The following DPYD variants were observed in gnomAD, a reference collection of about 807,000 sequenced individuals.
The protein encoded by DPYD is dihydropyrimidine dehydrogenase [NADP(+)].
A neutral mutation model predicts 116.2 loss-of-function variants in DPYD; 109 were observed. The ratio of observed to expected loss-of-function variants is 0.94; its 90% confidence interval spans 0.80 to 1.10. DPYD has a LOEUF of 1.10. DPYD is among the 50% of genes least tolerant of loss of function. The probability of loss-of-function intolerance (pLI) is 0.00; values close to 1 mark genes in which losing one functional copy is unlikely to be tolerated. For missense variants in DPYD, 1,302 were observed against 1,254.5 expected, an observed-to-expected ratio of 1.04 and a Z score of -0.57; for synonymous variants, 440 against 432.0, an observed-to-expected ratio of 1.02 and a Z score of -0.23.
chr1:97,820,346 G>A lies in DPYD; in HGVS notation c.233+7768C>T, dbSNP rs77243915. Among the ~76,000 whole-genome samples the A allele has an allele frequency of 7.2e-5, 11 of 152,040 alleles. No homozygotes were observed. In the East Asian group the frequency reaches 1.9e-3, roughly 27 times the overall value. On this transcript the variant is annotated intron_variant, in intron 3 of 22. Transcript: ENST00000370192. ...AAAAACTACCTCTTTTAAATGTCTT[G>A]GTATCTCTTTTCGGACCTCAGCCTT...
intron 13 of DPYD, among the ~76,000 whole-genome samples, chr1:97,469,171 T>C (rs573886665): frequency 2.8e-4 from 42 of 152,168 alleles, no homozygotes; most frequent in African/African-American, 9.6e-4. Context: ...AATATAGTCC[T>C]AATATCTGTA....
chr1:97,206,581 T>G (rs115620974), intron 19 of DPYD, among the ~76,000 whole-genome samples: 1 of 144,060 alleles, frequency 6.9e-6, no homozygotes, highest in African/African-American at 2.5e-5. Context: ...CAGTCCTGCT[T>G]TCTGTTCTGA....
intron 21 of DPYD, among the ~76,000 whole-genome samples, chr1:97,085,360 A>G (rs575716538): frequency 6.6e-6 from 1 of 152,246 alleles, no homozygotes; most frequent in Admixed American, 6.5e-5. Flanking sequence ...TTCTGTGTAC[A>G]TTAAATATGC....
At chr1:97,436,758 G>A (rs1675494477) in intron 14 of DPYD, among the ~76,000 whole-genome samples, 1 of 151,844 alleles carries the variant, frequency 6.6e-6, no homozygotes, top group Admixed American at 6.6e-5. Flanking sequence ...ACTATCTAAG[G>A]TCATTTTTAA....
chr1:97,806,124 T>C (rs1345847796), intron 3 of DPYD, among the ~76,000 whole-genome samples: 2 of 151,896 alleles, frequency 1.3e-5, no homozygotes, highest in East Asian at 3.9e-4. Flanking sequence ...AATCCAACAA[T>C]TGCAGAATAA....
In DPYD at chr1:97,919,994, A is replaced by C. The variant is rs370306119; in HGVS notation, c.39+890T>G. 1.5e-4 allele frequency among the ~76,000 whole-genome samples: 23 copies of C among 152,312 alleles called. No individual in the cohort carries two copies. In the East Asian group the frequency reaches 3.9e-3, roughly 26 times the overall value. On this transcript the variant is annotated intron_variant, in intron 1 of 22. Transcript: ENST00000370192. Reference sequence around the variant, plus strand: ...CGAAAGGAAAATTTTGTTATTTCTAAAGAAAACACACACACACATAATTTT... The same window carrying C: ...CGAAAGGAAAATTTTGTTATTTCTACAGAAAACACACACACACATAATTTT...
At chr1:97,239,743 T>C (rs1437627326) in intron 18 of DPYD, among the ~76,000 whole-genome samples, 1 of 152,064 alleles carries the variant, frequency 6.6e-6, no homozygotes, top group Non-Finnish European at 1.5e-5. Context: ...ACTGTTGAGG[T>C]TCAAATCTTA....
intron 21 of DPYD, among the ~76,000 whole-genome samples, chr1:97,098,154 G>A (rs1351167236): frequency 1.3e-5 from 2 of 151,998 alleles, no homozygotes; most frequent in Non-Finnish European, 2.9e-5. Context: ...ACTAATACAA[G>A]ATATCTTGGA....
intron 10 of DPYD, among the ~76,000 whole-genome samples, chr1:97,588,628 G>A (rs1179660852): frequency 1.3e-5 from 2 of 152,140 alleles, no homozygotes; most frequent in Admixed American, 6.6e-5. Flanking sequence ...TAAGCTTGCA[G>A]AAAGTACTGG....
In DPYD at chr1:97,663,659, C is replaced by T. The variant is rs79562903; in HGVS notation, c.850+15436G>A. Among the ~76,000 whole-genome samples, 1,332 of 152,296 alleles carry T rather than the reference C, an allele frequency of 8.7e-3. 23 individuals carry two copies. Among genetic ancestry groups the T allele is most frequent in the African/African-American group, 0.031 (1,284 of 41,562 alleles). ...TCACATCAAAATCCTTCATTTTCCA[C>T]AGCACAAAGTAAACACTCAATAACT... On this transcript the variant is annotated intron_variant, in intron 8 of 22. Coordinates refer to ENST00000370192, the MANE Select transcript of DPYD (RefSeq NM_000110.4).
At chr1:97,495,109 T>C (rs1679189722) in intron 13 of DPYD, among the ~76,000 whole-genome samples, 1 of 152,142 alleles carries the variant, frequency 6.6e-6, no homozygotes, top group Non-Finnish European at 1.5e-5. Context: ...ATTTTAAACA[T>C]GTTAAGGCTT....
chr1:97,093,287 A>T (rs191085908), intron 21 of DPYD, among the ~76,000 whole-genome samples: 2 of 152,260 alleles, frequency 1.3e-5, no homozygotes, highest in Admixed American at 1.3e-4. Flanking sequence ...TGCATTGCTT[A>T]TCTCATGGTA....
chr1:97,920,982 A>G lies in DPYD; in HGVS notation c.-60T>C. On this transcript the variant is annotated 5_prime_UTR_variant, in exon 1 of 23. Coordinates refer to ENST00000370192, the MANE Select transcript of DPYD (RefSeq NM_000110.4). Reference sequence around the variant, plus strand: ...AACCCTCCTTGCGTCCTCAAGCTCCAGCCAGAGAGCCAAGTGACAGCAGCC... The same window carrying G: ...AACCCTCCTTGCGTCCTCAAGCTCCGGCCAGAGAGCCAAGTGACAGCAGCC... 6.5e-7 allele frequency: 1 copy of G among 1,548,908 alleles called. No individual in the cohort carries two copies. The highest frequency in any genetic ancestry group is 8.7e-7 in the Non-Finnish European group (1 of 1,144,008).
At chr1:97,568,814 GA>G (rs1652705038) in intron 11 of DPYD, among the ~76,000 whole-genome samples, 1 of 151,962 alleles carries the variant, frequency 6.6e-6, no homozygotes. Flanking sequence ...TATTTTTGTG[GA>G]TCTATTATGG....
At chr1:97,233,210 C>T (rs1023158305) in intron 19 of DPYD, among the ~76,000 whole-genome samples, 1 of 152,090 alleles carries the variant, frequency 6.6e-6, no homozygotes, top group African/African-American at 2.4e-5. Context: ...ACTGACACAT[C>T]CCTGGCTAAG....
chr1:97,677,161 A>G (rs1481666202), intron 8 of DPYD, among the ~76,000 whole-genome samples: 1 of 152,220 alleles, frequency 6.6e-6, no homozygotes, highest in East Asian at 1.9e-4. Flanking sequence ...GTGATAAACA[A>G]TTTAATTATT....
At chr1:97,626,255 C>T (rs1041011553) in intron 8 of DPYD, among the ~76,000 whole-genome samples, 2 of 151,952 alleles carry the variant, frequency 1.3e-5, no homozygotes, top group Admixed American at 1.3e-4. Context: ...ATGTCTTAAG[C>T]TCTAATCTAA....
intron 10 of DPYD, among the ~76,000 whole-genome samples, chr1:97,585,025 G>T (rs1440408535): frequency 6.6e-6 from 1 of 151,426 alleles, no homozygotes; most frequent in Non-Finnish European, 1.5e-5. Flanking sequence ...ATTTTGAGTT[G>T]TATGTACATA....
chr1:97,084,624 C>A (rs946828121), intron 21 of DPYD, among the ~76,000 whole-genome samples: 6 of 152,116 alleles, frequency 3.9e-5, no homozygotes, highest in Non-Finnish European at 8.8e-5. Context: ...AAACCTCATG[C>A]ATTTAATAGT....
Sources: allele counts gnomAD v4.1 joint callset (sites outside exome capture counted in the v4.1 genomes callset), GRCh38; gene constraint gnomAD v4.1.1; transcripts MANE v1.5; gene names NCBI Gene and HGNC (gene_info 2026-07-23, HGNC 2026-07-21).